The following WNK2 variants were observed in gnomAD, a reference collection of about 807,000 sequenced individuals.
The protein encoded by WNK2 is serine/threonine-protein kinase WNK2.
Under a neutral mutation model 192.1 loss-of-function variants are expected in WNK2, and 67 were observed. The ratio of observed to expected loss-of-function variants is 0.35; its 90% confidence interval spans 0.29 to 0.43. The LOEUF (loss-of-function observed/expected upper bound fraction) is 0.43. Among genes scored for constraint, WNK2 ranks in the 20% least tolerant of loss-of-function variants. The pLI is 1.00. For missense variants in WNK2, 2,698 were observed against 3,089.7 expected (o/e 0.87, Z 3.01); for synonymous variants, 1,439 against 1,393.9 (o/e 1.03, Z -0.72).
intron 23 of WNK2, among the ~76,000 whole-genome samples, chr9:93,297,000 G>C (rs375953815): frequency 4.2e-4 from 9 of 21,618 alleles, no homozygotes; most frequent in Admixed American, 1.2e-3. Flanking sequence ...CCTCCCCTCC[G>C]CATCCTCCCC....
At chr9:93,192,673 A>G (rs1830543309) in intron 2 of WNK2, among the ~76,000 whole-genome samples, 2 of 152,314 alleles carry the variant, frequency 1.3e-5, no homozygotes, top group African/African-American at 2.4e-5. Context: ...GTTTCAAAAC[A>G]TGATTCATAC....
In WNK2 at chr9:93,184,279, A is replaced by G. The variant is rs1828849741; in HGVS notation, c.-109A>G. Among the ~76,000 whole-genome samples the G allele has an allele frequency of 6.7e-6, 1 of 149,454 alleles. No individual in the cohort carries two copies. ...GGAGCGGCGCCACGGCCCCCACCCC[A>G]GCGCGGACCTCGCCCGGAACTCGGA... is the stretch of plus-strand genomic sequence containing the variant. On this transcript the variant is annotated 5_prime_UTR_variant, in exon 1 of 30. Coordinates refer to ENST00000427277, the MANE Select transcript of WNK2 (RefSeq NM_006648.4).
intron 4 of WNK2, among the ~76,000 whole-genome samples, chr9:93,233,147 G>A (rs1290634413): frequency 1.4e-5 from 2 of 143,664 alleles, no homozygotes; most frequent in African/African-American, 2.6e-5. Flanking sequence ...GCAGTGAGCT[G>A]TGTTCATGCC....
intron 28 of WNK2, chr9:93,309,205 G>A: frequency 1.1e-6 from 1 of 906,172 alleles, no homozygotes; most frequent in Non-Finnish European, 1.3e-6. Context: ...CATCTGGGCT[G>A]GAGTTTTGTT....
rs184332897 is a variant in WNK2 at position 93,215,182 on chromosome 9, C to T, written c.682-14514C>T. On this transcript the variant is annotated intron_variant, in intron 2 of 29. Transcript: ENST00000427277. Reference sequence around the variant, plus strand: ...TGTTGCCCAGGCTGGAGTGCAGTGGCGCGATCTCGGCTCACTGCAAACTCT... The same window carrying T: ...TGTTGCCCAGGCTGGAGTGCAGTGGTGCGATCTCGGCTCACTGCAAACTCT... 3.9e-4 allele frequency among the ~76,000 whole-genome samples: 59 copies of T among 152,132 alleles called. 1 individual carries two copies. The highest frequency in any genetic ancestry group is 3.4e-3 in the Middle Eastern group (1 of 294).
chr9:93,193,127 T>C (rs538794135), intron 2 of WNK2, among the ~76,000 whole-genome samples: 1 of 152,104 alleles, frequency 6.6e-6, no homozygotes, highest in South Asian at 2.1e-4. Context: ...CTGCTTGCTG[T>C]GGTGGGAAGG....
Position 93,260,503 on chromosome 9 carries a change from A to G in WNK2, c.3066+889A>G, listed in dbSNP as rs187894581. 1.3e-4 allele frequency among the ~76,000 whole-genome samples: 20 copies of G among 152,252 alleles called. No individual in the cohort carries two copies. The East Asian group carries it at 2.9e-3, about 22-fold the overall frequency. On this transcript the variant is annotated intron_variant, in intron 12 of 29. Transcript: ENST00000427277. ...CTGCCTTTTGAGCCTCAGCCTCCGC[A>G]GGAAAGCAGCTGGCATGGTCCTAAT... is the stretch of plus-strand genomic sequence containing the variant.
At chr9:93,267,596 G>C in intron 16 of WNK2, 150 bp from the exon 17 acceptor site, 1 of 877,476 alleles carries the variant, frequency 1.1e-6, no homozygotes, top group Admixed American at 3.1e-5. Context: ...GTCACTTGCT[G>C]AGCTGTCCAG....
intron 21 of WNK2, 39 bp downstream of exon 21, chr9:93,290,086 TGC>T: frequency 6.5e-7 from 1 of 1,541,036 alleles, no homozygotes; most frequent in South Asian, 1.2e-5. Context: ...CACAAGGTGC[TGC>T]CTGGCTTCCT....
intron 2 of WNK2, among the ~76,000 whole-genome samples, chr9:93,191,979 C>T (rs934440988): frequency 4.0e-5 from 6 of 150,816 alleles, no homozygotes; most frequent in East Asian, 3.9e-4. Context: ...GAGCTGAGAT[C>T]GTGCCACTGC....
Position 93,258,978 on chromosome 9 carries a change from C to G in WNK2, c.2430C>G (p.Ile810Met). ...CCCCCATCACGCCCCTGGCGGGAATCGACGGCCTCCCTCCGGCCCTCCCAG... is the reference window on the plus strand; with the variant it reads ...CCCCCATCACGCCCCTGGCGGGAATGGACGGCCTCCCTCCGGCCCTCCCAG... The part of the protein sequence containing the change: ...VVPPITPLAG[I>M]DGLPPALPDL... The change falls in exon 12 of 30, where the codon ATC (isoleucine) becomes ATG (methionine). Residue 810 changes from isoleucine to methionine, a missense_variant. Around this residue, in one of 7 missense-constraint regions of WNK2, gnomAD observed 893 missense variants for 909.0 expected, o/e 0.98. Coordinates refer to ENST00000427277, the MANE Select transcript of WNK2 (RefSeq NM_006648.4). 2 of 1,612,738 alleles carry G rather than the reference C, an allele frequency of 1.2e-6. No homozygotes were observed. Among genetic ancestry groups the G allele is most frequent in the Admixed American group, 3.3e-5 (2 of 60,004 alleles).
At chr9:93,256,201 C>T (rs1203678583) in intron 9 of WNK2, 98 bp from the exon 10 acceptor site, 14 of 1,340,162 alleles carry the variant, frequency 1.0e-5, no homozygotes, top group Non-Finnish European at 1.4e-5. Context: ...CTGGTAGGGA[C>T]CAGGCACAGG....
intron 5 of WNK2, among the ~76,000 whole-genome samples, chr9:93,237,542 T>G (rs992592164): frequency 6.6e-6 from 1 of 152,240 alleles, no homozygotes; most frequent in Admixed American, 6.5e-5. Context: ...CCTTTACTGC[T>G]TGTATGTATC....
chr9:93,202,084 G>A (rs781013561), intron 2 of WNK2, among the ~76,000 whole-genome samples: 1 of 152,238 alleles, frequency 6.6e-6, no homozygotes, highest in Non-Finnish European at 1.5e-5. Context: ...TGGGACATAC[G>A]TAGTTCCTGG....
chr9:93,199,073 T>C (rs759523444), intron 2 of WNK2, among the ~76,000 whole-genome samples: 1 of 152,212 alleles, frequency 6.6e-6, no homozygotes, highest in African/African-American at 2.4e-5. Flanking sequence ...GCCTCCATGC[T>C]GTCCCCTGTG....
At chr9:93,284,212 G>GT (rs1170258312) in intron 19 of WNK2, among the ~76,000 whole-genome samples, 3 of 152,140 alleles carry the variant, frequency 2.0e-5, no homozygotes, top group African/African-American at 4.8e-5. Flanking sequence ...TCAAACTAGC[G>GT]TAACTTTGAC....
intron 2 of WNK2, among the ~76,000 whole-genome samples, chr9:93,205,491 C>T (rs1203542095): frequency 6.6e-6 from 1 of 151,348 alleles, no homozygotes; most frequent in Non-Finnish European, 1.5e-5. Context: ...TCTGTCATCT[C>T]CCCCATCCTG....
At chr9:93,274,093 CAA>C (rs1442234956) in intron 19 of WNK2, among the ~76,000 whole-genome samples, 9 of 152,212 alleles carry the variant, frequency 5.9e-5, no homozygotes, top group Admixed American at 2.6e-4. Flanking sequence ...AAAATAAAGA[CAA>C]GAGCAGAAAG....
At chr9:93,307,639 A>G (rs571962644) in intron 27 of WNK2, 1 of 152,386 alleles carries the variant, frequency 6.6e-6, no homozygotes, top group East Asian at 1.9e-4. Context: ...GCCGCAGCCC[A>G]TGGCAGGAGC....
Sources: gnomAD v4.1 joint callset for allele counts (sites outside exome capture counted in the v4.1 genomes callset) on GRCh38, gnomAD v4.1.1 for gene constraint, gnomAD v4.1.1 regional missense constraint, MANE v1.5 for transcripts, NCBI Gene and HGNC (gene_info 2026-07-23, HGNC 2026-07-21) for gene names.